KCNAB2: variants seen among roughly 807,000 people sequenced by gnomAD.
The protein encoded by KCNAB2 is potassium voltage-gated channel subfamily A regulatory beta subunit 2.
KCNAB2 carries 29 observed loss-of-function variants against 63.6 expected under a neutral mutation model. That is an observed-to-expected ratio of 0.46 (90% CI 0.34 to 0.62). KCNAB2 has a LOEUF of 0.62. KCNAB2 is among the 20% of genes least tolerant of loss of function. The probability of loss-of-function intolerance (pLI) is 0.01; values close to 1 mark genes in which losing one functional copy is unlikely to be tolerated. For missense variants in KCNAB2, 359 were observed against 563.9 expected (o/e 0.64, Z 3.68); for synonymous variants, 222 against 224.2 (o/e 0.99, Z 0.09).
upstream of KCNAB2, among the ~76,000 whole-genome samples, chr1:6,030,520 T>G (rs1659515363): frequency 6.7e-6 from 1 of 149,450 alleles, no homozygotes; most frequent in African/African-American, 2.5e-5. Flanking sequence ...TATGTATGTA[T>G]GTGTGTATGT....
At chr1:6,041,668 C>T (rs749376483), upstream of KCNAB2, 18 of 622,740 alleles carry the variant, frequency 2.9e-5, no homozygotes, top group South Asian at 1.3e-4. Context: ...GCACCGGCTG[C>T]GCTTCCTCAG....
intron 1 of KCNAB2, among the ~76,000 whole-genome samples, chr1:6,012,972 C>T (rs1459231854): frequency 6.6e-6 from 1 of 152,102 alleles, no homozygotes; most frequent in Non-Finnish European, 1.5e-5. Context: ...TGCCCTCTCC[C>T]ACTGTGGATC....
In KCNAB2 at chr1:6,014,674, G is replaced by A. The variant is rs775100183; in HGVS notation, c.-53+21886G>A. The stretch of plus-strand genomic sequence containing the variant: ...CAGAGAAGATGAACCTGATGCCTGC[G>A]ATCTGATGAGAAGTCACAGTTACCA... On this transcript the variant is annotated intron_variant, in intron 1 of 16. Coordinates refer to the KCNAB2 transcript ENST00000341524. Among the ~76,000 whole-genome samples, 62 of 152,316 alleles carry A rather than the reference G, an allele frequency of 4.1e-4. 1 individual carries two copies. Among genetic ancestry groups the A allele is most frequent in the Middle Eastern group, 6.8e-3 (2 of 294 alleles).
At chr1:6,098,013 T>G (rs1571118816) in intron 15 of KCNAB2, 1 of 210,534 alleles carries the variant, frequency 4.7e-6, no homozygotes, top group Non-Finnish European at 8.4e-6. Flanking sequence ...ACGGGAGTGG[T>G]GGTTGGATCC....
intron 2 of KCNAB2, among the ~76,000 whole-genome samples, chr1:6,064,760 C>T (rs1662597885): frequency 6.6e-6 from 1 of 152,188 alleles, no homozygotes; most frequent in South Asian, 2.1e-4. Context: ...CTTAGTACCT[C>T]CTGGCAGGAC....
intron 5 of KCNAB2, 71 bp from the exon 6 acceptor site, chr1:6,085,133 A>C (rs1313225174): frequency 2.4e-3 from 2,757 of 1,160,606 alleles, no homozygotes; most frequent in Non-Finnish European, 3.1e-3. Flanking sequence ...CCAAGTGGCC[A>C]GTGGCCACAG....
At chr1:6,094,971 C>T (rs772675176) in intron 11 of KCNAB2, among the ~76,000 whole-genome samples, 4 of 152,334 alleles carry the variant, frequency 2.6e-5, no homozygotes, top group Non-Finnish European at 4.4e-5. Flanking sequence ...AGGTGAGTGC[C>T]GCAGGCAGCC....
upstream of KCNAB2, chr1:6,041,893 C>T (rs1189344607): frequency 6.2e-7 from 1 of 1,612,478 alleles, no homozygotes; most frequent in East Asian, 2.2e-5. Flanking sequence ...TTCATTCTCC[C>T]TAAAACCCAG....
rs1249200437 is a variant in KCNAB2 at position 6,074,349 on chromosome 1, C to T, written c.300+579C>T. ...AAGAAAGTGAACACTAACAAAAAGCCAGCTTGTATGCCGCCAGCGCCTCTG... is the reference window on the plus strand; with the variant it reads ...AAGAAAGTGAACACTAACAAAAAGCTAGCTTGTATGCCGCCAGCGCCTCTG... On this transcript the variant is annotated intron_variant, in intron 4 of 15. Coordinates refer to ENST00000378083, the MANE Select transcript of KCNAB2 (RefSeq NM_001199862.2). This position sits in a 1 kb window ranked among gnomAD's most constrained non-coding sequence, Gnocchi z 4.9. Among the ~76,000 whole-genome samples, 1 of 152,224 alleles carries T rather than the reference C, an allele frequency of 6.6e-6. No individual in the cohort carries two copies. The highest frequency in any genetic ancestry group is 1.5e-5 in the Non-Finnish European group (1 of 68,040).
chr1:6,085,804 G>A, intron 6 of KCNAB2: 34 of 985,228 alleles, frequency 3.5e-5, no homozygotes, highest in Non-Finnish European at 4.1e-5. Flanking sequence ...GTGTGTGTGG[G>A]ACCGTTCCGG....
Position 6,090,425 on chromosome 1 carries a change from A to G in KCNAB2, c.551A>G (p.Tyr184Cys). Residue 184 changes from tyrosine (Y) to cysteine (C), a missense_variant, in exon 9 of 16, where the codon TAC becomes TGC. Transcript: ENST00000378083. ...KASLERLQLE[Y>C]VDVVFANRPD... ...TCCCTGGAGCGACTGCAGCTGGAGT[A>G]CGTGGATGTGGTGTTTGCCAACCGC... 1 of 1,613,890 alleles carries G rather than the reference A, an allele frequency of 6.2e-7. No homozygotes were observed.
intron 10 of KCNAB2, among the ~76,000 whole-genome samples, chr1:6,093,789 CT>C (rs1176042943): frequency 1.3e-5 from 2 of 152,226 alleles, no homozygotes; most frequent in African/African-American, 2.4e-5. Context: ...TCCACGCCCA[CT>C]TCTCAGTCTC....
intron 2 of KCNAB2, among the ~76,000 whole-genome samples, chr1:6,068,265 G>A (rs1662917040): frequency 6.6e-6 from 1 of 152,260 alleles, no homozygotes; most frequent in Admixed American, 6.5e-5. Flanking sequence ...ACGCCCATGT[G>A]TGTGCTTATG....
At chr1:6,065,042 C>T (rs367819090) in intron 2 of KCNAB2, among the ~76,000 whole-genome samples, 5 of 152,212 alleles carry the variant, frequency 3.3e-5, no homozygotes, top group South Asian at 4.1e-4. Flanking sequence ...ACCATCAAGA[C>T]GCAGTGGCTT....
chr1:6,096,806 C>T lies in KCNAB2; in HGVS notation c.1069+50C>T, dbSNP rs1665679817. 5 of 1,504,188 alleles carry T rather than the reference C, an allele frequency of 3.3e-6. No individual in the cohort carries two copies. The highest frequency in any genetic ancestry group is 4.5e-6 in the Non-Finnish European group (5 of 1,118,974). 93.2% of individuals were successfully genotyped at this position (1,504,188 alleles called of 1,614,324 possible). ...CAGTGCCCCTGGGGAGAACCTGCCC[C>T]AGCTGGCCGTAGGTAACAGGGTGGG... On this transcript the variant is annotated intron_variant, in intron 14 of 15. Transcript: ENST00000378083. This position sits in a 1 kb window ranked among gnomAD's most constrained non-coding sequence, Gnocchi z 5.9.
rs191799597 is a variant in KCNAB2 at position 6,079,411 on chromosome 1, C to T, written c.301-2784C>T. Among the ~76,000 whole-genome samples, 45 of 152,164 alleles carry T rather than the reference C, an allele frequency of 3.0e-4. 1 individual carries two copies. Among genetic ancestry groups the T allele is most frequent in the African/African-American group, 1.0e-3 (42 of 41,520 alleles). On this transcript the variant is annotated intron_variant, in intron 4 of 15. Transcript: ENST00000378083. ...GGCATGCACCTGTAGTCCAGCTACT[C>T]AGGAGACTGAAGCAGGAGAATCTCC... is the stretch of plus-strand genomic sequence containing the variant.
chr1:6,082,308 A>C (rs1353492825), intron 5 of KCNAB2, 34 bp downstream of exon 5: 1 of 1,551,058 alleles, frequency 6.4e-7, no homozygotes, highest in Non-Finnish European at 8.9e-7. Flanking sequence ...AAAGTGGTTC[A>C]GAATGCCTGG....
At chr1:6,013,572 A>T (rs1658317297) in intron 1 of KCNAB2, among the ~76,000 whole-genome samples, 1 of 152,044 alleles carries the variant, frequency 6.6e-6, no homozygotes, top group Non-Finnish European at 1.5e-5. Context: ...GGGCTCCCCC[A>T]CACCACTGCA....
Position 6,061,071 on chromosome 1 carries a change from G to T in KCNAB2, c.218+9317G>T, listed in dbSNP as rs115789437. On this transcript the variant is annotated intron_variant, in intron 2 of 15. Transcript: ENST00000378083. Reference sequence around the variant, plus strand: ...AGCTTTCCAGCCTCTCCAGGCCCAAGGGGGAGGAGTGGACCCCAGGCACTG... The same window carrying T: ...AGCTTTCCAGCCTCTCCAGGCCCAATGGGGAGGAGTGGACCCCAGGCACTG... Among the ~76,000 whole-genome samples, 808 of 152,316 alleles carry T rather than the reference G, an allele frequency of 5.3e-3. 12 individuals carry two copies. Among genetic ancestry groups the T allele is most frequent in the Middle Eastern group, 0.024 (7 of 294 alleles).
Sources: gnomAD v4.1 joint callset for allele counts (sites outside exome capture counted in the v4.1 genomes callset) on GRCh38, gnomAD v4.1.1 for gene constraint, Gnocchi (gnomAD v3.1) non-coding constraint, MANE v1.5 for transcripts, NCBI Gene and HGNC (gene_info 2026-07-23, HGNC 2026-07-21) for gene names.